GPC6: variants seen among roughly 807,000 people sequenced by gnomAD.
GPC6 encodes the protein glypican-6.
In GPC6, 14 loss-of-function variants were observed where a neutral mutation model predicts 55.2. That is an observed-to-expected ratio of 0.25 (90% CI 0.17 to 0.40). The LOEUF (loss-of-function observed/expected upper bound fraction) is 0.40, where lower values mean the gene tolerates loss of function less well. GPC6 is among the 10% of genes least tolerant of loss of function. GPC6 has a pLI of 1.00. For missense variants in GPC6, 641 were observed against 708.5 expected (o/e 0.90, Z 1.08); for synonymous variants, 278 against 259.6 (o/e 1.07, Z -0.68).
At chr13:93,840,014 A>G (rs1460308508) in intron 3 of GPC6, among the ~76,000 whole-genome samples, 2 of 152,034 alleles carry the variant, frequency 1.3e-5, no homozygotes, top group Non-Finnish European at 2.9e-5. Context: ...TTCTTTCTCT[A>G]TCTTGTGGAA....
At chr13:93,763,031 C>T (rs558399516) in intron 2 of GPC6, among the ~76,000 whole-genome samples, 1 of 152,218 alleles carries the variant, frequency 6.6e-6, no homozygotes, top group Non-Finnish European at 1.5e-5. Flanking sequence ...TTTCATTTCT[C>T]AATAACTTGA....
intron 1 of GPC6, among the ~76,000 whole-genome samples, chr13:93,371,936 C>T (rs530270951): frequency 3.3e-5 from 5 of 152,230 alleles, no homozygotes; most frequent in African/African-American, 1.2e-4. Context: ...TCCCTTTGTT[C>T]CATTGTCCCA....
intron 4 of GPC6, among the ~76,000 whole-genome samples, chr13:94,223,040 A>G (rs1384772344): frequency 6.6e-6 from 1 of 152,166 alleles, no homozygotes; most frequent in East Asian, 1.9e-4. Context: ...CTTTTAAAGA[A>G]GAATGGCTAT....
chr13:94,364,651 G>T (rs1457406100), intron 6 of GPC6, among the ~76,000 whole-genome samples: 1 of 152,044 alleles, frequency 6.6e-6, no homozygotes, highest in Non-Finnish European at 1.5e-5. Flanking sequence ...TCCTCCACTG[G>T]GTGGTTAATT....
chr13:93,295,310 A>G (rs1173317206), intron 1 of GPC6, among the ~76,000 whole-genome samples: 1 of 144,650 alleles, frequency 6.9e-6, no homozygotes, highest in East Asian at 2.0e-4. Context: ...AAAAAAAAAA[A>G]AAAGAGAAAA....
In GPC6 at chr13:93,633,898, G is replaced by T. The variant is rs1417551923; in HGVS notation, c.319+88477G>T. Among the ~76,000 whole-genome samples the T allele has an allele frequency of 2.6e-5, 4 of 151,998 alleles. No individual in the cohort carries two copies. The South Asian group carries it at 8.3e-4, about 32-fold the overall frequency. The stretch of plus-strand genomic sequence containing the variant: ...CAGGAAGTCTCTAATCAGGAGTTAG[G>T]ACCTTACAGTTGAAAGACCCCATAA... On this transcript the variant is annotated intron_variant, in intron 2 of 8. Coordinates refer to ENST00000377047, the MANE Select transcript of GPC6 (RefSeq NM_005708.5).
chr13:93,905,159 T>C (rs1876593656), intron 3 of GPC6, among the ~76,000 whole-genome samples: 1 of 151,078 alleles, frequency 6.6e-6, no homozygotes, highest in Non-Finnish European at 1.5e-5. Context: ...CATTTTAGAA[T>C]AAGTAGGGAT....
chr13:93,793,995 G>A (rs1435904467), intron 2 of GPC6, among the ~76,000 whole-genome samples: 3 of 152,068 alleles, frequency 2.0e-5, no homozygotes, highest in East Asian at 3.9e-4. Context: ...GATCATGCCC[G>A]TGTTTGTGCT....
intron 1 of GPC6, among the ~76,000 whole-genome samples, chr13:93,417,332 C>T (rs1876736455): frequency 6.6e-6 from 1 of 151,890 alleles, no homozygotes; most frequent in Admixed American, 6.6e-5. Flanking sequence ...GTGGAAGATA[C>T]TCTTATTTAT....
intron 5 of GPC6, among the ~76,000 whole-genome samples, chr13:94,288,898 A>AGTT: frequency 7.7e-6 from 1 of 129,046 alleles, no homozygotes; most frequent in Non-Finnish European, 1.7e-5. Flanking sequence ...ATATATAACA[A>AGTT]ATATATATAT....
chr13:94,014,986 G>A (rs183871090), intron 3 of GPC6, among the ~76,000 whole-genome samples: 4 of 152,286 alleles, frequency 2.6e-5, no homozygotes, highest in Non-Finnish European at 2.9e-5. Flanking sequence ...TATGAAGGAT[G>A]CTATAGACAT....
chr13:93,367,479 T>C (rs1881292931), intron 1 of GPC6, among the ~76,000 whole-genome samples: 1 of 152,052 alleles, frequency 6.6e-6, no homozygotes, highest in African/African-American at 2.4e-5. Context: ...ATGCCCTTTG[T>C]TTGTCTTATT....
intron 2 of GPC6, among the ~76,000 whole-genome samples, chr13:93,608,785 A>C (rs538645465): frequency 6.6e-6 from 1 of 152,346 alleles, no homozygotes; most frequent in African/African-American, 2.4e-5. Flanking sequence ...GAAACAGAGA[A>C]GTAAGAAGGA....
At chr13:93,489,918 G>T (rs1381053616) in intron 1 of GPC6, among the ~76,000 whole-genome samples, 1 of 151,540 alleles carries the variant, frequency 6.6e-6, no homozygotes, top group African/African-American at 2.4e-5. Context: ...TGCAAACAGG[G>T]ACAATTTGAC....
intron 4 of GPC6, among the ~76,000 whole-genome samples, chr13:94,068,336 G>A (rs897027725): frequency 6.6e-6 from 1 of 152,156 alleles, no homozygotes; most frequent in Non-Finnish European, 1.5e-5. Context: ...CTCCATGATT[G>A]AATTATCTCC....
intron 2 of GPC6, among the ~76,000 whole-genome samples, chr13:93,717,921 C>G (rs1471460912): frequency 6.6e-6 from 1 of 151,836 alleles, no homozygotes; most frequent in Non-Finnish European, 1.5e-5. Context: ...TCATTCATGT[C>G]TCTGCATAGG....
rs190386234 is a variant in GPC6 at position 93,612,145 on chromosome 13, C to T, written c.319+66724C>T. Among the ~76,000 whole-genome samples, 125 of 152,184 alleles carry T rather than the reference C, an allele frequency of 8.2e-4. 1 individual carries two copies. In the Middle Eastern group the frequency reaches 0.01, roughly 12 times the overall value. Reference sequence around the variant, plus strand: ...CCAAAAAATAAATGATGATGGTTTACGGCGTAAAGTGAATTGTGTTGCTAT... The same window carrying T: ...CCAAAAAATAAATGATGATGGTTTATGGCGTAAAGTGAATTGTGTTGCTAT... On this transcript the variant is annotated intron_variant, in intron 2 of 8. Coordinates refer to ENST00000377047, the MANE Select transcript of GPC6 (RefSeq NM_005708.5).
intron 1 of GPC6, among the ~76,000 whole-genome samples, chr13:93,406,184 A>C (rs1286437254): frequency 1.3e-5 from 2 of 152,186 alleles, no homozygotes; most frequent in African/African-American, 4.8e-5. Flanking sequence ...GGCCATGCTT[A>C]ATGTATCACA....
intron 2 of GPC6, among the ~76,000 whole-genome samples, chr13:93,701,311 A>T (rs775426475): frequency 3.3e-5 from 5 of 152,100 alleles, no homozygotes; most frequent in Admixed American, 6.6e-5. Context: ...ATGTCACACA[A>T]CATCATTGGT....
Sources: allele counts gnomAD v4.1 joint callset (sites outside exome capture counted in the v4.1 genomes callset), GRCh38; gene constraint gnomAD v4.1.1; transcripts MANE v1.5; gene names NCBI Gene and HGNC (gene_info 2026-07-23, HGNC 2026-07-21).